Variants in PRKN observed in about 807,000 individuals in gnomAD.
PRKN encodes parkin RBR E3 ubiquitin protein ligase.
In PRKN, 56 loss-of-function variants were observed where a neutral mutation model predicts 59.5. That is an observed-to-expected ratio of 0.94 (90% CI 0.76 to 1.18). The LOEUF (loss-of-function observed/expected upper bound fraction) is 1.18, where lower values mean the gene tolerates loss of function less well. PRKN is among the 50% of genes most tolerant of loss of function. PRKN has a pLI of 0.00. For synonymous variants in PRKN, 250 were observed against 222.1 expected, an observed-to-expected ratio of 1.13 and a Z score of -1.12; for missense variants, 657 against 596.4, an observed-to-expected ratio of 1.10 and a Z score of -1.06.
chr6:161,902,711 C>T (rs1048859344), intron 6 of PRKN, among the ~76,000 whole-genome samples: 3 of 151,864 alleles, frequency 2.0e-5, no homozygotes, highest in African/African-American at 7.3e-5. Flanking sequence ...CAGGAGCCTG[C>T]CACCACGCCT....
rs1266400911 is a variant in PRKN at position 161,361,978 on chromosome 6, G to A, written c.1168-1773C>T. ...CGTGGCAAACACCCATCCCCCCACC[G>A]ACCTGCACCCCAACGCCACCCCGGC... On this transcript the variant is annotated intron_variant, in intron 10 of 11. Transcript: ENST00000366898. The surrounding 1 kb of genome is among the most constrained non-coding windows in gnomAD (Gnocchi z 5.2). Among the ~76,000 whole-genome samples, 1 of 151,936 alleles carries A rather than the reference G, an allele frequency of 6.6e-6. No homozygotes were observed. Among genetic ancestry groups the A allele is most frequent in the Non-Finnish European group, 1.5e-5 (1 of 68,008 alleles).
intron 1 of PRKN, among the ~76,000 whole-genome samples, chr6:162,502,733 T>C (rs1793429283): frequency 6.6e-6 from 1 of 152,056 alleles, no homozygotes; most frequent in South Asian, 2.1e-4. Flanking sequence ...CAGCATTTTA[T>C]AGAATTGGAA....
rs1403011922 is a variant in PRKN at position 161,973,305 on chromosome 6, A to G, written c.731T>C (p.Val244Ala). 1 of 1,601,152 alleles carries G rather than the reference A, an allele frequency of 6.2e-7. No homozygotes were observed. Among genetic ancestry groups the G allele is most frequent in the Non-Finnish European group, 8.6e-7 (1 of 1,168,342 alleles). The change falls in exon 6 of 12, where the codon GTC becomes GCC. Residue 244 changes from valine (V) to alanine (A), a missense_variant. Val to Ala is a moderately conservative substitution (Grantham distance 64). Transcript: ENST00000366898. Reference protein sequence around the residue: ...RNITCITCTDVRSPVLVFQCN... With the variant: ...RNITCITCTDARSPVLVFQCN... ...GACACTATTTTTAGATCCTTACCTG[A>G]CGTCTGTGCACGTAATGCAAGTGAT...
chr6:161,579,538 G>C lies in PRKN; in HGVS notation c.872-10122C>G, dbSNP rs1299930176. Among the ~76,000 whole-genome samples, 1 of 152,106 alleles carries C rather than the reference G, an allele frequency of 6.6e-6. No individual in the cohort carries two copies. Among genetic ancestry groups the C allele is most frequent in the Non-Finnish European group, 1.5e-5 (1 of 68,028 alleles). ...CGCCATAGAGTGTGCTCTGTAAACTGGCCTTCCTTGTAGGGCATGTTCCTG... is the reference window on the plus strand; with the variant it reads ...CGCCATAGAGTGTGCTCTGTAAACTCGCCTTCCTTGTAGGGCATGTTCCTG... On this transcript the variant is annotated intron_variant, in intron 7 of 11. Coordinates refer to ENST00000366898, the MANE Select transcript of PRKN (RefSeq NM_004562.3). This position sits in a 1 kb window ranked among gnomAD's most constrained non-coding sequence, Gnocchi z 4.2.
chr6:161,599,002 A>G (rs561043284), intron 7 of PRKN, among the ~76,000 whole-genome samples: 1 of 152,334 alleles, frequency 6.6e-6, no homozygotes, highest in Admixed American at 6.5e-5. Flanking sequence ...ACACAGAGAC[A>G]AAGCCATGTG....
intron 6 of PRKN, among the ~76,000 whole-genome samples, chr6:161,934,993 C>T (rs1480786428): frequency 6.6e-6 from 1 of 152,018 alleles, no homozygotes; most frequent in East Asian, 1.9e-4. Context: ...AAGAGTTGCA[C>T]AGGAAGAATT....
At chr6:161,738,846 A>G (rs1384265852) in intron 7 of PRKN, among the ~76,000 whole-genome samples, 1 of 152,172 alleles carries the variant, frequency 6.6e-6, no homozygotes, top group Non-Finnish European at 1.5e-5. Flanking sequence ...AATCTGCCTG[A>G]GGTTCATCCT....
intron 4 of PRKN, among the ~76,000 whole-genome samples, chr6:162,074,058 T>C (rs1778706794): frequency 6.8e-6 from 1 of 147,648 alleles, no homozygotes; most frequent in Admixed American, 6.9e-5. Flanking sequence ...TCAACCATTG[T>C]GGAAGTCAGT....
chr6:162,321,991 T>C (rs1020857842), intron 2 of PRKN, among the ~76,000 whole-genome samples: 2 of 151,964 alleles, frequency 1.3e-5, no homozygotes, highest in Admixed American at 1.3e-4. Context: ...CTGGAGCTGA[T>C]AGCCAGTGCA....
At chr6:161,798,230 A>G (rs1457704901) in intron 6 of PRKN, among the ~76,000 whole-genome samples, 3 of 152,120 alleles carry the variant, frequency 2.0e-5, no homozygotes, top group Non-Finnish European at 4.4e-5. Flanking sequence ...ACCAAACCAA[A>G]CAAACAAAAA....
chr6:161,703,798 G>A (rs1786353133), intron 7 of PRKN, among the ~76,000 whole-genome samples: 1 of 138,890 alleles, frequency 7.2e-6, no homozygotes, highest in Non-Finnish European at 1.5e-5. Context: ...CAGCTGGAAT[G>A]TAAACCACAT....
At chr6:162,612,192 C>CAAAAAAAAAAAAAAAAAAAAAAAAAAA (rs796515239) in intron 1 of PRKN, among the ~76,000 whole-genome samples, 1 of 64,876 alleles carries the variant, frequency 1.5e-5, no homozygotes, top group Non-Finnish European at 2.7e-5. Flanking sequence ...GACTCCATCT[C>CAAAAAAAAAAAAAAAAAAAAAAAAAAA]AAAAAAAAAA....
chr6:161,504,847 A>C (rs375994066), intron 9 of PRKN, among the ~76,000 whole-genome samples: 18 of 150,430 alleles, frequency 1.2e-4, no homozygotes, highest in South Asian at 6.4e-4. Flanking sequence ...CTACAAAGGA[A>C]ATGAACTCAT....
At chr6:161,638,700 C>T (rs561174670) in intron 7 of PRKN, among the ~76,000 whole-genome samples, 31 of 144,804 alleles carry the variant, frequency 2.1e-4, no homozygotes, top group Admixed American at 6.2e-4. Flanking sequence ...TACCCTCATG[C>T]TGTTTTTGTA....
At chr6:162,380,836 A>G (rs1478233476) in intron 2 of PRKN, among the ~76,000 whole-genome samples, 2 of 152,090 alleles carry the variant, frequency 1.3e-5, no homozygotes, top group African/African-American at 2.4e-5. Flanking sequence ...CAGCACATAA[A>G]TAAGGAAGTA....
At chr6:161,689,528 C>T (rs566410639) in intron 7 of PRKN, among the ~76,000 whole-genome samples, 8 of 152,186 alleles carry the variant, frequency 5.3e-5, no homozygotes, top group Admixed American at 1.3e-4. Context: ...GCCAAGAAAT[C>T]GCTGGGTCAT....
intron 1 of PRKN, among the ~76,000 whole-genome samples, chr6:162,583,456 C>T (rs892594815): frequency 6.6e-6 from 1 of 152,160 alleles, no homozygotes; most frequent in African/African-American, 2.4e-5. Context: ...AAACAAAACT[C>T]CACCTGTGAA....
chr6:162,371,996 C>T (rs1442235031), intron 2 of PRKN, among the ~76,000 whole-genome samples: 3 of 152,184 alleles, frequency 2.0e-5, no homozygotes, highest in African/African-American at 7.2e-5. Flanking sequence ...GTGCACAAAG[C>T]TCTTCAAGAA....
chr6:161,963,907 C>A (rs914188436), intron 6 of PRKN, among the ~76,000 whole-genome samples: 3 of 152,146 alleles, frequency 2.0e-5, no homozygotes, highest in Non-Finnish European at 4.4e-5. Context: ...TTTTGCAGAG[C>A]AGCAGACTTG....
Sources: gnomAD v4.1 joint callset for allele counts (sites outside exome capture counted in the v4.1 genomes callset) on GRCh38, gnomAD v4.1.1 for gene constraint, Gnocchi (gnomAD v3.1) non-coding constraint, MANE v1.5 for transcripts, NCBI Gene and HGNC (gene_info 2026-07-23, HGNC 2026-07-21) for gene names.